Variants in ANKRD11 observed in about 807,000 individuals in gnomAD.
ANKRD11 encodes the protein ankyrin repeat domain 11.
In ANKRD11, 17 loss-of-function variants were observed where a neutral mutation model predicts 195.7. The ratio of observed to expected loss-of-function variants is 0.09; its 90% CI spans 0.06 to 0.13. The LOEUF (loss-of-function observed/expected upper bound fraction) is 0.13, where lower values mean the gene tolerates loss of function less well. ANKRD11 is among the 10% of genes least tolerant of loss of function. The pLI is 1.00. For missense variants in ANKRD11, 3,735 were observed against 3,566.1 expected (o/e 1.05, Z -1.21); for synonymous variants, 1,953 against 1,528.1 (o/e 1.28, Z -6.49).
intron 1 of ANKRD11, among the ~76,000 whole-genome samples, chr16:89,441,172 A>C (rs1007870885): frequency 2.0e-5 from 3 of 151,640 alleles, no homozygotes; most frequent in Admixed American, 6.6e-5. Flanking sequence ...AGAGGCAGAG[A>C]TCGCAGTGAG....
chr16:89,471,044 A>G (rs1018909694), intron 1 of ANKRD11, among the ~76,000 whole-genome samples: 6 of 151,046 alleles, frequency 4.0e-5, no homozygotes, highest in African/African-American at 1.5e-4. Context: ...CTTCCTTCCT[A>G]CATCCTCAAT....
intron 9 of ANKRD11, chr16:89,278,272 T>C (rs2033830929): frequency 2.9e-6 from 1 of 347,498 alleles, no homozygotes; most frequent in African/African-American, 2.2e-5. Context: ...GCCTCCCCCA[T>C]GAGGAATCCC....
At chr16:89,358,060 G>A (rs1290841610) in intron 2 of ANKRD11, among the ~76,000 whole-genome samples, 1 of 152,202 alleles carries the variant, frequency 6.6e-6, no homozygotes, top group African/African-American at 2.4e-5. Context: ...AACAATGGAG[G>A]AAGTGAGTGA....
intron 2 of ANKRD11, among the ~76,000 whole-genome samples, chr16:89,377,255 G>C (rs1182741736): frequency 1.3e-5 from 2 of 152,120 alleles, no homozygotes; most frequent in African/African-American, 4.8e-5. Flanking sequence ...CTATGGAAAG[G>C]ACTGTCAACA....
chr16:89,425,126 A>C (rs1326029320), intron 1 of ANKRD11, among the ~76,000 whole-genome samples: 1 of 152,094 alleles, frequency 6.6e-6, no homozygotes, highest in Non-Finnish European at 1.5e-5. Flanking sequence ...CAATATTGAC[A>C]ATTTCATATG....
intron 1 of ANKRD11, among the ~76,000 whole-genome samples, chr16:89,425,649 C>T (rs187748009): frequency 1.8e-4 from 28 of 152,138 alleles, no homozygotes; most frequent in African/African-American, 5.8e-4. Context: ...CCGGTTATTT[C>T]GATTTTTTCG....
chr16:89,442,486 C>G (rs145336056), intron 1 of ANKRD11, among the ~76,000 whole-genome samples: 39 of 152,330 alleles, frequency 2.6e-4, no homozygotes, highest in African/African-American at 9.4e-4. Flanking sequence ...CCTTTATGCA[C>G]AGCTTCCCCC....
intron 3 of ANKRD11, among the ~76,000 whole-genome samples, chr16:89,313,871 C>T (rs769950681): frequency 1.5e-4 from 23 of 152,198 alleles, no homozygotes; most frequent in Non-Finnish European, 2.4e-4. Flanking sequence ...CCCTGTAATG[C>T]GTTTAAAATT....
At chr16:89,441,856 G>C (rs910765963) in intron 1 of ANKRD11, among the ~76,000 whole-genome samples, 2 of 147,636 alleles carry the variant, frequency 1.4e-5, no homozygotes, top group Admixed American at 1.4e-4. Flanking sequence ...CCACAAGCAG[G>C]AATCTCTCTG....
At chr16:89,368,693 A>T (rs2040061101) in intron 2 of ANKRD11, among the ~76,000 whole-genome samples, 1 of 151,740 alleles carries the variant, frequency 6.6e-6, no homozygotes, top group Non-Finnish European at 1.5e-5. Context: ...TAATTGCTTC[A>T]GCCCAGGAGC....
intron 2 of ANKRD11, among the ~76,000 whole-genome samples, chr16:89,356,954 G>C (rs2039512089): frequency 6.6e-6 from 1 of 152,232 alleles, no homozygotes; most frequent in African/African-American, 2.4e-5. Flanking sequence ...CAGCTCCCAA[G>C]TGACCTGTGA....
At chr16:89,367,851 CA>C (rs1246694142) in intron 2 of ANKRD11, among the ~76,000 whole-genome samples, 1 of 152,042 alleles carries the variant, frequency 6.6e-6, no homozygotes, top group Non-Finnish European at 1.5e-5. Flanking sequence ...CTACAAAAAA[CA>C]AAAATCAGTC....
intron 2 of ANKRD11, among the ~76,000 whole-genome samples, chr16:89,336,762 C>T (rs2038375912): frequency 6.6e-6 from 1 of 152,128 alleles, no homozygotes; most frequent in Non-Finnish European, 1.5e-5. Context: ...GTTCTGACTA[C>T]ATGAGAGATG....
At chr16:89,442,196 A>G (rs2043541485) in intron 1 of ANKRD11, among the ~76,000 whole-genome samples, 1 of 152,238 alleles carries the variant, frequency 6.6e-6, no homozygotes, top group Non-Finnish European at 1.5e-5. Context: ...ACCCCAGCTG[A>G]CAACGCACGC....
At chr16:89,347,749 T>C (rs1389557792) in intron 2 of ANKRD11, among the ~76,000 whole-genome samples, 1 of 152,086 alleles carries the variant, frequency 6.6e-6, no homozygotes, top group African/African-American at 2.4e-5. Flanking sequence ...TAAAAAAGAA[T>C]ACAAAGAGAT....
intron 6 of ANKRD11, among the ~76,000 whole-genome samples, chr16:89,289,229 C>T (rs1295251494): frequency 6.6e-6 from 1 of 151,982 alleles, no homozygotes; most frequent in African/African-American, 2.4e-5. Flanking sequence ...AAACAGAGCT[C>T]GGCCCCACGG....
At chr16:89,477,382 G>A (rs1010024459) in intron 1 of ANKRD11, among the ~76,000 whole-genome samples, 3 of 151,798 alleles carry the variant, frequency 2.0e-5, no homozygotes, top group Admixed American at 6.6e-5. Flanking sequence ...CTGAGATGGC[G>A]TCTCACTCTG....
At chr16:89,363,416 G>A (rs1376179849) in intron 2 of ANKRD11, among the ~76,000 whole-genome samples, 1 of 151,572 alleles carries the variant, frequency 6.6e-6, no homozygotes, top group Non-Finnish European at 1.5e-5. Context: ...CATGGCACAT[G>A]TATACATATG....
chr16:89,430,405 C>A (rs942854243), intron 1 of ANKRD11, among the ~76,000 whole-genome samples: 1 of 147,528 alleles, frequency 6.8e-6, no homozygotes, highest in East Asian at 2.0e-4. Context: ...TCAACTCTCA[C>A]GCTCAGTCGT....
Sources: allele counts gnomAD v4.1 joint callset (sites outside exome capture counted in the v4.1 genomes callset), GRCh38; gene constraint gnomAD v4.1.1; transcripts MANE v1.5; gene names NCBI Gene and HGNC (gene_info 2026-07-23, HGNC 2026-07-21).